The following ANKS6 variants were observed in gnomAD, a reference collection of about 807,000 sequenced individuals.
The protein encoded by ANKS6 is ankyrin repeat and SAM domain-containing protein 6.
In ANKS6, 47 loss-of-function variants were observed where a neutral mutation model predicts 77.9. The ratio of observed to expected loss-of-function variants is 0.60; its 90% CI spans 0.48 to 0.77. The LOEUF (loss-of-function observed/expected upper bound fraction) is 0.77, where lower values mean the gene tolerates loss of function less well. Ranked by LOEUF, ANKS6 falls within the 30% of genes least tolerant of loss-of-function variation. The pLI, the probability that ANKS6 is intolerant of heterozygous loss-of-function variation, is 0.00. For synonymous variants in ANKS6, 488 were observed against 501.7 expected (o/e 0.97, Z 0.37); for missense variants, 1,150 against 1,159.1 (o/e 0.99, Z 0.11).
rs1263829136 is a variant in ANKS6, at chr9:98,796,264, C to T, written c.228G>A (p.Glu76=). Residue 76 remains glutamate (E), a synonymous_variant, in exon 1 of 15, where the codon GAG becomes GAA. Transcript: ENST00000353234. Reference sequence around the variant, plus strand: ...CGAACTGCAGTGCGGTGTTGCCCGCCTCGTCCGAGCAATCCACGGGCACCG... The same window carrying T: ...CGAACTGCAGTGCGGTGTTGCCCGCTTCGTCCGAGCAATCCACGGGCACCG... ...GAPVPVDCSD[E]AGNTALQFAA... The T allele has an allele frequency of 2.2e-6, 3 of 1,354,676 alleles. No individual in the cohort carries two copies. Among genetic ancestry groups the T allele is most frequent in the African/African-American group, 3.0e-5 (2 of 66,670 alleles). The allele number at this position is 1,354,676 out of a possible 1,614,324, so 83.9% of individuals were successfully genotyped here.
intron 5 of ANKS6, 127 bp downstream of exon 5, chr9:98,782,340 T>C (rs539082696): frequency 4.8e-5 from 41 of 846,000 alleles, no homozygotes; most frequent in East Asian, 4.7e-4. Context: ...CTCCTGACAC[T>C]TGAGAGTGAC....
At chr9:98,779,178 T>C (rs1834088376) in intron 6 of ANKS6, among the ~76,000 whole-genome samples, 1 of 152,064 alleles carries the variant, frequency 6.6e-6, no homozygotes, top group African/African-American at 2.4e-5. Context: ...ACAAGACCAG[T>C]GTGTTGTTTT....
chr9:98,778,941 G>T (rs956183397), intron 6 of ANKS6, among the ~76,000 whole-genome samples: 5 of 152,200 alleles, frequency 3.3e-5, no homozygotes, highest in African/African-American at 9.7e-5. Flanking sequence ...CTACCTCCTG[G>T]GAACGCTTGT....
chr9:98,787,959 C>T (rs1398485068), intron 2 of ANKS6, among the ~76,000 whole-genome samples: 1 of 152,244 alleles, frequency 6.6e-6, no homozygotes, highest in East Asian at 1.9e-4. Context: ...ATGAACCCCA[C>T]AGCAGCCCTG....
In ANKS6 at chr9:98,756,422, T is replaced by A. The variant is rs376744269; in HGVS notation, c.2324A>T (p.Glu775Val). 1.1e-5 allele frequency: 17 copies of A among 1,612,706 alleles called. No individual in the cohort carries two copies. The highest frequency in any genetic ancestry group is 1.4e-5 in the Non-Finnish European group (17 of 1,179,324). Residue 775 changes from glutamate to valine, a missense_variant and splice_region_variant, in exon 12 of 15, where the codon GAG (glutamate) becomes GTG (valine). Physicochemically the swap from Glu to Val is moderately radical, Grantham distance 121. Transcript: ENST00000353234. ...GGSSSGTITD[E>V]DELTGILKKL... ...TTTCAGGCCCTCAGGGGACTCACCC[T>A]CATCTGTGATGGTGCCACTGCTGGA... is the stretch of plus-strand genomic sequence containing the variant.
intron 4 of ANKS6, among the ~76,000 whole-genome samples, chr9:98,783,100 A>C (rs1588406582): frequency 6.7e-6 from 1 of 149,558 alleles, no homozygotes; most frequent in African/African-American, 2.5e-5. Context: ...AAAGAAAAGA[A>C]AAGAGAAGGG....
intron 12 of ANKS6, among the ~76,000 whole-genome samples, chr9:98,753,172 T>G: frequency 6.6e-6 from 1 of 152,212 alleles, no homozygotes; most frequent in East Asian, 1.9e-4. Flanking sequence ...TTCTTATAAA[T>G]TCCATATAGC....
chr9:98,745,482 C>A (rs1832077414), intron 14 of ANKS6, 77 bp downstream of exon 14: 2 of 1,380,406 alleles, frequency 1.4e-6, no homozygotes, highest in South Asian at 2.3e-5. Flanking sequence ...GGAAGTAAGA[C>A]CTTCCCAAGA....
In ANKS6 at chr9:98,782,552, A is replaced by C; in HGVS notation, c.1134T>G (p.Tyr378Ter). The change falls in exon 5 of 15, where the codon TAT becomes TAG. Residue 378 changes from tyrosine (Y) to a stop codon, truncating the protein, a stop_gained. Transcript: ENST00000353234. LOFTEE classifies it high-confidence loss of function. ...TYHGNKEIVKYLLNQGADVTL... is the reference protein window; with the variant it reads ...TYHGNKEIVK ...TGACATCGGCCCCTTGGTTTAGCAG[A>C]TATTTCACAATTTCCTTATTCCTGG... 1 of 1,614,082 alleles carries C rather than the reference A, an allele frequency of 6.2e-7. No individual in the cohort carries two copies. Among genetic ancestry groups the C allele is most frequent in the Non-Finnish European group, 8.5e-7 (1 of 1,179,942 alleles).
chr9:98,777,461 G>C lies in ANKS6; in HGVS notation c.1568-7C>G. On this transcript the variant is annotated splice_region_variant and splice_polypyrimidine_tract_variant and intron_variant, in intron 7 of 14. Transcript: ENST00000353234. ...CCTCTTGTGCTCCCAGGACCTGAGA[G>C]ACAAATGGAAATTTCCTGAAATGAC... is the stretch of plus-strand genomic sequence containing the variant. 2 of 1,614,138 alleles carry C rather than the reference G, an allele frequency of 1.2e-6. No individual in the cohort carries two copies. The highest frequency in any genetic ancestry group is 1.7e-6 in the Non-Finnish European group (2 of 1,180,002).
chr9:98,788,831 T>C (rs1316342289), intron 2 of ANKS6, among the ~76,000 whole-genome samples: 1 of 152,220 alleles, frequency 6.6e-6, no homozygotes, highest in African/African-American at 2.4e-5. Context: ...CCAATGGGTG[T>C]GTGACCTTTG....
intron 9 of ANKS6, 69 bp from the exon 10 acceptor site, chr9:98,771,115 G>T (rs1198771562): frequency 1.4e-6 from 2 of 1,401,022 alleles, no homozygotes; most frequent in Non-Finnish European, 1.9e-6. Context: ...GGATCACAGT[G>T]TGGGGGTTCC....
chr9:98,736,876 A>G (rs1380022323), intron 14 of ANKS6, among the ~76,000 whole-genome samples: 1 of 152,184 alleles, frequency 6.6e-6, no homozygotes, highest in Non-Finnish European at 1.5e-5. Flanking sequence ...ACCCCTGGAC[A>G]GAGTGGGAGG....
Position 98,762,606 on chromosome 9 carries a change from T to C in ANKS6, c.2142+5475A>G, listed in dbSNP as rs149630378. 2.2e-3 allele frequency among the ~76,000 whole-genome samples: 339 copies of C among 152,262 alleles called. 1 individual carries two copies. The highest frequency in any genetic ancestry group is 7.6e-3 in the African/African-American group (318 of 41,570). ...ATTCCTAGTTTGTTGAGAGTTTTAA[T>C]GATGAATGGATTTTAAATTTTGTTA... On this transcript the variant is annotated intron_variant, in intron 11 of 14. Coordinates refer to ENST00000353234, the MANE Select transcript of ANKS6 (RefSeq NM_173551.5).
chr9:98,771,021 G>A lies in ANKS6; in HGVS notation c.1847C>T (p.Pro616Leu), dbSNP rs752184676. ...DTTPVRPVKF[P>L]SLPRSPASSA... ...AGAGGCTGGGCTTCTGGGGAGGCTTGGAAATTTAACAGGCCTGACGGGTGT... is the reference window on the plus strand; with the variant it reads ...AGAGGCTGGGCTTCTGGGGAGGCTTAGAAATTTAACAGGCCTGACGGGTGT... The change falls in exon 10 of 15, where the codon CCA becomes CTA. Residue 616 changes from proline (P) to leucine (L), a missense_variant. Coordinates refer to ENST00000353234, the MANE Select transcript of ANKS6 (RefSeq NM_173551.5). The A allele has an allele frequency of 1.9e-6, 3 of 1,589,200 alleles. No homozygotes were observed. The highest frequency in any genetic ancestry group is 2.6e-6 in the Non-Finnish European group (3 of 1,168,004).
Position 98,734,342 on chromosome 9 carries a change from C to G in ANKS6, c.*2177G>C, listed in dbSNP as rs1396883030. The stretch of plus-strand genomic sequence containing the variant: ...CTACATTTGTGAAAAGGTGACCCCC[C>G]GGTGCAGCTGTGTATCATTGTTCAA... On this transcript the variant is annotated 3_prime_UTR_variant, in exon 15 of 15. Transcript: ENST00000353234. 11 of 985,300 alleles carry G rather than the reference C, an allele frequency of 1.1e-5. No homozygotes were observed. The highest frequency in any genetic ancestry group is 1.3e-5 in the Non-Finnish European group (11 of 829,974). 61.0% of individuals were successfully genotyped at this position (985,300 alleles called of 1,614,324 possible). A position where few individuals can be genotyped will look rare whatever the true frequency, so the allele number is the denominator to read the frequency against.
intron 8 of ANKS6, among the ~76,000 whole-genome samples, chr9:98,774,896 G>A (rs867156535): frequency 3.3e-5 from 5 of 152,212 alleles, no homozygotes; most frequent in Admixed American, 2.0e-4. Flanking sequence ...CTCGGGAGCC[G>A]AGCAGGCGGG....
chr9:98,787,011 CACA>C (rs1331751975), intron 2 of ANKS6, among the ~76,000 whole-genome samples: 1 of 152,184 alleles, frequency 6.6e-6, no homozygotes, highest in African/African-American at 2.4e-5. Context: ...AACTCCACAC[CACA>C]ACCTCAGTGG....
rs1831486884 is a variant in ANKS6 at position 98,736,122 on chromosome 9, G to T, written c.*397C>A. On this transcript the variant is annotated 3_prime_UTR_variant, in exon 15 of 15. Transcript: ENST00000353234. Reference sequence around the variant, plus strand: ...AGTGGCCAAGAGGACGTGAGCAGGAGTGATGTGTGTCAGTTAAGAGCAAGG... The same window carrying T: ...AGTGGCCAAGAGGACGTGAGCAGGATTGATGTGTGTCAGTTAAGAGCAAGG... 8.7e-7 allele frequency: 1 copy of T among 1,151,622 alleles called. No individual in the cohort carries two copies. The highest frequency in any genetic ancestry group is 1.1e-6 in the Non-Finnish European group (1 of 934,602). The allele number at this position is 1,151,622 out of a possible 1,614,324, so 71.3% of individuals were successfully genotyped here.
Sources: gnomAD v4.1 joint callset for allele counts (sites outside exome capture counted in the v4.1 genomes callset) on GRCh38, gnomAD v4.1.1 for gene constraint, MANE v1.5 for transcripts, NCBI Gene and HGNC (gene_info 2026-07-23, HGNC 2026-07-21) for gene names.